TMC1: variants seen among roughly 807,000 people sequenced by gnomAD.
TMC1 encodes the protein transmembrane channel-like protein 1.
A neutral mutation model predicts 105.8 loss-of-function variants in TMC1; 84 were observed. The observed-to-expected ratio is 0.79, with a 90% CI of 0.67 to 0.95. TMC1 has a LOEUF of 0.95. TMC1 is among the 40% of genes least tolerant of loss of function. The pLI, the probability that TMC1 is intolerant of heterozygous loss-of-function variation, is 0.00. For missense variants in TMC1, 817 were observed against 914.1 expected (o/e 0.89, Z 1.37); for synonymous variants, 315 against 311.5 (o/e 1.01, Z -0.12).
intron 13 of TMC1, among the ~76,000 whole-genome samples, chr9:72,780,877 C>T (rs1828085245): frequency 6.6e-6 from 1 of 152,126 alleles, no homozygotes; most frequent in Non-Finnish European, 1.5e-5. Context: ...CAAGAGAGTT[C>T]TGCACCTTAC....
At chr9:72,645,485 C>G (rs983408732) in intron 4 of TMC1, among the ~76,000 whole-genome samples, 1 of 152,090 alleles carries the variant, frequency 6.6e-6, no homozygotes, top group Non-Finnish European at 1.5e-5. Context: ...AAGAGCAGAC[C>G]AGTCAAGAGC....
chr9:72,767,354 G>A (rs111968718), intron 12 of TMC1, among the ~76,000 whole-genome samples: 2 of 152,292 alleles, frequency 1.3e-5, no homozygotes, highest in African/African-American at 4.8e-5. Flanking sequence ...GGGATAGAGT[G>A]TTATCTTTCA....
intron 4 of TMC1, among the ~76,000 whole-genome samples, chr9:72,640,599 G>A (rs541593318): frequency 2.4e-4 from 37 of 151,858 alleles, no homozygotes; most frequent in African/African-American, 8.7e-4. Flanking sequence ...ATCTCAAAAT[G>A]GTTTTTACTT....
chr9:72,648,589 TC>T lies in TMC1; in HGVS notation c.-52-6del. On this transcript the variant is annotated splice_polypyrimidine_tract_variant and splice_region_variant and intron_variant, in intron 4 of 23. Coordinates refer to ENST00000297784, the MANE Select transcript of TMC1 (RefSeq NM_138691.3). ...CAAACCTGAAATATTTGTTCCTTCATCCTGCAGTCCCTCTCCAAACTAGCCA... is the reference window on the plus strand; with the variant it reads ...CAAACCTGAAATATTTGTTCCTTCATCTGCAGTCCCTCTCCAAACTAGCCA... 1 of 1,506,022 alleles carries T rather than the reference TC, an allele frequency of 6.6e-7. No homozygotes were observed. Among genetic ancestry groups the T allele is most frequent in the Non-Finnish European group, 9.2e-7 (1 of 1,081,558 alleles). 93.3% of individuals were successfully genotyped at this position (1,506,022 alleles called of 1,614,324 possible).
intron 2 of TMC1, among the ~76,000 whole-genome samples, chr9:72,600,800 G>A (rs1824796972): frequency 6.6e-6 from 1 of 151,964 alleles, no homozygotes; most frequent in East Asian, 1.9e-4. Context: ...CTCAAACTTC[G>A]TTCAGTGCAT....
At chr9:72,806,390 G>C (rs1828587631) in intron 18 of TMC1, among the ~76,000 whole-genome samples, 1 of 142,550 alleles carries the variant, frequency 7.0e-6, no homozygotes, top group East Asian at 2.2e-4. Context: ...CGGCTGGCCG[G>C]GCGGGGGGCT....
intron 17 of TMC1, among the ~76,000 whole-genome samples, chr9:72,797,765 C>T (rs1219846253): frequency 6.6e-6 from 1 of 152,068 alleles, no homozygotes; most frequent in Non-Finnish European, 1.5e-5. Flanking sequence ...TATGAAAACT[C>T]TAGGAGAAAA....
At chr9:72,713,911 A>G (rs1826877459) in intron 8 of TMC1, among the ~76,000 whole-genome samples, 1 of 152,088 alleles carries the variant, frequency 6.6e-6, no homozygotes, top group Non-Finnish European at 1.5e-5. Flanking sequence ...TTTTAGTGCT[A>G]TAAATTTCCC....
chr9:72,727,094 G>A (rs547290862), intron 8 of TMC1, among the ~76,000 whole-genome samples: 1 of 152,292 alleles, frequency 6.6e-6, no homozygotes, highest in Non-Finnish European at 1.5e-5. Context: ...TATGATTCAT[G>A]GTGGAAATGT....
At chr9:72,719,463 C>T (rs1826978678) in intron 8 of TMC1, among the ~76,000 whole-genome samples, 1 of 152,146 alleles carries the variant, frequency 6.6e-6, no homozygotes, top group Admixed American at 6.5e-5. Flanking sequence ...CCTTTAGGTT[C>T]CCCAGTGAGT....
At position 72,792,289 on chromosome 9, in the gene TMC1, AC is replaced by A. The variant is rs1301016934; in HGVS notation, c.1506del (p.Phe504LeufsTer22). 2 of 1,613,986 alleles carry A rather than the reference AC, an allele frequency of 1.2e-6. No homozygotes were observed. Among genetic ancestry groups the A allele is most frequent in the South Asian group, 1.1e-5 (1 of 91,064 alleles). On this transcript the variant is annotated frameshift_variant, in exon 17 of 24. Transcript: ENST00000297784. LOFTEE classifies it high-confidence loss of function. Reference sequence around the variant, plus strand: ...CATTCTCTGAAAATAGCACTGGACCACCCTTTTTTGTTCACCCTGCAGATGT... The same window carrying A: ...CATTCTCTGAAAATAGCACTGGACCACCTTTTTTGTTCACCCTGCAGATGT... ...ASFSENSTGP[P>X]FFVHPADVPR...
At chr9:72,536,522 C>T (rs897462199) in intron 1 of TMC1, among the ~76,000 whole-genome samples, 5 of 152,060 alleles carry the variant, frequency 3.3e-5, no homozygotes, top group African/African-American at 7.2e-5. Flanking sequence ...TTAGTAGAGA[C>T]GGGGTTTCAC....
At chr9:72,694,969 T>G (rs1195284024) in intron 7 of TMC1, among the ~76,000 whole-genome samples, 2 of 152,182 alleles carry the variant, frequency 1.3e-5, no homozygotes, top group Non-Finnish European at 2.9e-5. Context: ...CGTTGACATA[T>G]TACAGTTAAT....
chr9:72,725,075 A>G (rs1827090900), intron 8 of TMC1, among the ~76,000 whole-genome samples: 1 of 151,760 alleles, frequency 6.6e-6, no homozygotes, highest in African/African-American at 2.4e-5. Context: ...TTTTGTGGAG[A>G]TAACCTTCTG....
chr9:72,620,544 C>T (rs1172497915), intron 3 of TMC1, among the ~76,000 whole-genome samples: 1 of 152,088 alleles, frequency 6.6e-6, no homozygotes, highest in Non-Finnish European at 1.5e-5. Context: ...AACCACCATA[C>T]CTAGCCAGAT....
chr9:72,794,658 C>T (rs192812183), intron 17 of TMC1, among the ~76,000 whole-genome samples: 1 of 152,272 alleles, frequency 6.6e-6, no homozygotes, highest in East Asian at 1.9e-4. Context: ...TAAAGGAACA[C>T]CTACACACTG....
intron 5 of TMC1, among the ~76,000 whole-genome samples, chr9:72,686,028 CTGT>C (rs1240805588): frequency 6.6e-6 from 1 of 152,166 alleles, no homozygotes; most frequent in East Asian, 1.9e-4. Context: ...TGACATTTTG[CTGT>C]TGTTTCTTTT....
At chr9:72,807,321 G>A (rs1178906600) in intron 18 of TMC1, among the ~76,000 whole-genome samples, 4 of 152,130 alleles carry the variant, frequency 2.6e-5, no homozygotes, top group South Asian at 2.1e-4. Flanking sequence ...TTTGTAATTC[G>A]TCATTTACAC....
Position 72,754,635 on chromosome 9 carries a change from C to T in TMC1, c.643-151C>T, listed in dbSNP as rs865786407. ...TGTTCTTACCTCTGGATTTAGTAGT[C>T]GATTCCCAGAAAATGGGACCCCACA... On this transcript the variant is annotated intron_variant, in intron 11 of 23. Coordinates refer to ENST00000297784, the MANE Select transcript of TMC1 (RefSeq NM_138691.3). 1.5e-4 allele frequency: 104 copies of T among 684,114 alleles called. 2 individuals are homozygous for T. In the Middle Eastern group the frequency reaches 9.6e-3, roughly 63 times the overall value. The allele number at this position is 684,114 out of a possible 1,614,324, so 42.4% of individuals were successfully genotyped here.
Sources: gnomAD v4.1 joint callset for allele counts (sites outside exome capture counted in the v4.1 genomes callset) on GRCh38, gnomAD v4.1.1 for gene constraint, MANE v1.5 for transcripts, NCBI Gene and HGNC (gene_info 2026-07-23, HGNC 2026-07-21) for gene names.